Variants in CDCP1 observed in about 807,000 individuals in gnomAD.
CDCP1 encodes CUB domain-containing protein 1.
In CDCP1, 29 loss-of-function variants were observed where a neutral mutation model predicts 60.2. The observed-to-expected ratio is 0.48, with a 90% CI of 0.36 to 0.66. The LOEUF is 0.66. Among genes scored for constraint, CDCP1 ranks in the 30% least tolerant of loss-of-function variants. CDCP1 has a pLI of 0.00. For missense variants in CDCP1, 876 were observed against 1,074.3 expected (o/e 0.82, Z 2.58); for synonymous variants, 387 against 431.1 (o/e 0.90, Z 1.27).
chr3:45,128,627 G>A (rs1045096274), intron 1 of CDCP1, among the ~76,000 whole-genome samples: 5 of 152,230 alleles, frequency 3.3e-5, no homozygotes, highest in African/African-American at 1.2e-4. Flanking sequence ...ATCAACACGG[G>A]ACTGTTTTAT....
At chr3:45,124,527 T>C (rs1698941246) in intron 1 of CDCP1, among the ~76,000 whole-genome samples, 1 of 152,108 alleles carries the variant, frequency 6.6e-6, no homozygotes, top group African/African-American at 2.4e-5. Context: ...GGAGGCAGAC[T>C]CAGAAACCAA....
Position 45,085,994 on chromosome 3 carries a change from G to A in CDCP1, c.2155C>T (p.Pro719Ser), listed in dbSNP as rs1195977802. ...TTTCGCCCTTTCTGAAACTTTTTTGGCTGCCTCGGCATCTCAGTATTGATG... is the reference window on the plus strand; with the variant it reads ...TTTCGCCCTTTCTGAAACTTTTTTGACTGCCTCGGCATCTCAGTATTGATG... ...DNINTEMPRQPKKFQKGRKDN... is the reference protein window; with the variant it reads ...DNINTEMPRQSKKFQKGRKDN... The change falls in exon 9 of 9, where the codon CCA (proline) becomes TCA (serine). Residue 719 changes from proline to serine, a missense_variant. Physicochemically the swap from Pro to Ser is moderately conservative, Grantham distance 74. Transcript: ENST00000296129. This position sits in a 1 kb window ranked among gnomAD's most constrained non-coding sequence, Gnocchi z 4.2. 2 of 1,613,990 alleles carry A rather than the reference G, an allele frequency of 1.2e-6. No homozygotes were observed. Among genetic ancestry groups the A allele is most frequent in the East Asian group, 4.5e-5 (2 of 44,892 alleles).
At chr3:45,111,537 G>A (rs1305673045) in intron 3 of CDCP1, among the ~76,000 whole-genome samples, 2 of 152,140 alleles carry the variant, frequency 1.3e-5, no homozygotes, top group Admixed American at 1.3e-4. Context: ...TTAGCTGGGT[G>A]TGGTGGCGCA....
At chr3:45,092,642 T>A (rs967708596) in intron 6 of CDCP1, among the ~76,000 whole-genome samples, 1 of 152,222 alleles carries the variant, frequency 6.6e-6, no homozygotes, top group Non-Finnish European at 1.5e-5. Context: ...TTGGTCAATT[T>A]TAAAATGGCC....
At chr3:45,125,106 T>A (rs894535212) in intron 1 of CDCP1, among the ~76,000 whole-genome samples, 1 of 152,086 alleles carries the variant, frequency 6.6e-6, no homozygotes, top group African/African-American at 2.4e-5. Context: ...TGGATATGAG[T>A]GTGCCAACCA....
chr3:45,112,445 T>C lies in CDCP1; in HGVS notation c.293A>G (p.Asp98Gly). The C allele has an allele frequency of 6.2e-7, 1 of 1,609,944 alleles. No individual in the cohort carries two copies. Among genetic ancestry groups the C allele is most frequent in the African/African-American group, 1.3e-5 (1 of 74,890 alleles). ...HFVIEIQKNI[D>G]CMSGPCPFGE... ...AAAAGGACATGGGCCTGACATACAG[T>C]CTGAAAAACAGTCACAGAAGCAATT... Residue 98 changes from aspartate (D) to glycine (G), a missense_variant and splice_region_variant, in exon 3 of 9, where the codon GAC becomes GGC. Asp to Gly is a moderately conservative substitution (Grantham distance 94). Transcript: ENST00000296129.
chr3:45,105,376 A>G (rs981724288), intron 4 of CDCP1, among the ~76,000 whole-genome samples: 4 of 152,212 alleles, frequency 2.6e-5, no homozygotes, highest in Admixed American at 2.6e-4. Flanking sequence ...AAATCCAATA[A>G]TTATTTAAGG....
chr3:45,135,398 T>C (rs945571799), intron 1 of CDCP1, among the ~76,000 whole-genome samples: 2 of 152,098 alleles, frequency 1.3e-5, no homozygotes, highest in Non-Finnish European at 2.9e-5. Flanking sequence ...AAGTTGGCCC[T>C]ACTGCTAACA....
intron 1 of CDCP1, among the ~76,000 whole-genome samples, chr3:45,127,243 T>G (rs771295708): frequency 3.9e-5 from 6 of 152,200 alleles, no homozygotes; most frequent in Non-Finnish European, 7.3e-5. Context: ...TCCACAGAAT[T>G]TGAAATGTTT....
chr3:45,086,076 A>C lies in CDCP1; in HGVS notation c.2082-9T>G. The C allele has an allele frequency of 6.2e-7, 1 of 1,610,786 alleles. No individual in the cohort carries two copies. Among genetic ancestry groups the C allele is most frequent in the South Asian group, 1.1e-5 (1 of 90,960 alleles). On this transcript the variant is annotated splice_polypyrimidine_tract_variant and intron_variant, in intron 8 of 8. Transcript: ENST00000296129. The stretch of plus-strand genomic sequence containing the variant: ...TGTTTGTCTTCTTTTTCCTATTTGG[A>C]AAAATGGAACAAGACAGAAGTCAGA...
chr3:45,129,125 T>A (rs1335099155), intron 1 of CDCP1, among the ~76,000 whole-genome samples: 1 of 152,260 alleles, frequency 6.6e-6, no homozygotes, highest in Admixed American at 6.5e-5. Flanking sequence ...GGTGACAGGT[T>A]TGCACAGAAC....
At chr3:45,136,561 C>G (rs572281836) in intron 1 of CDCP1, among the ~76,000 whole-genome samples, 25 of 152,222 alleles carry the variant, frequency 1.6e-4, no homozygotes, top group African/African-American at 5.8e-4. Flanking sequence ...AGGGAAAAAA[C>G]AAAACAAAAC....
At chr3:45,129,379 A>G (rs939438462) in intron 1 of CDCP1, among the ~76,000 whole-genome samples, 2 of 152,252 alleles carry the variant, frequency 1.3e-5, no homozygotes, top group Non-Finnish European at 2.9e-5. Flanking sequence ...CAAGAGGACC[A>G]CAGAGGTAAG....
In CDCP1 at chr3:45,118,483, T is replaced by C. The variant is rs1438995922; in HGVS notation, c.221A>G (p.Glu74Gly). ...HITMLSIKSG[E>G]RIVFTFSCQS... ...GCAGCTAAAGGTAAAGACTATTCTT[T>C]CTCCAGACTTGATGGACAACATGGT... Residue 74 changes from glutamate to glycine, a missense_variant, in exon 2 of 9, where the codon GAA (glutamate) becomes GGA (glycine). Around this residue, in one of 2 missense-constraint regions of CDCP1, gnomAD observed 150 missense variants for 138.6 expected, o/e 1.08. Transcript: ENST00000296129. The C allele has an allele frequency of 1.2e-6, 2 of 1,614,208 alleles. No individual in the cohort carries two copies. Among genetic ancestry groups the C allele is most frequent in the Admixed American group, 1.7e-5 (1 of 60,022 alleles).
At chr3:45,121,612 C>CTATGATCATTATTTTAA (rs542759795) in intron 1 of CDCP1, among the ~76,000 whole-genome samples, 239 of 152,242 alleles carry the variant, frequency 1.6e-3, no homozygotes, top group South Asian at 3.9e-3. Flanking sequence ...ATTCCTGCCC[C>CTATGATCATTATTTTAA]TATGATCATT....
At chr3:45,109,187 G>A (rs1314955984) in intron 4 of CDCP1, among the ~76,000 whole-genome samples, 1 of 151,686 alleles carries the variant, frequency 6.6e-6, no homozygotes, top group Non-Finnish European at 1.5e-5. Flanking sequence ...GACCTCAAGT[G>A]ATTTGCCTGC....
At chr3:45,093,966 A>G (rs916147832) in intron 5 of CDCP1, among the ~76,000 whole-genome samples, 2 of 152,036 alleles carry the variant, frequency 1.3e-5, no homozygotes, top group Non-Finnish European at 2.9e-5. Context: ...TTAGATGCTA[A>G]GTGTCATGGG....
intron 2 of CDCP1, among the ~76,000 whole-genome samples, chr3:45,116,730 C>G (rs1417420685): frequency 6.6e-6 from 1 of 152,168 alleles, no homozygotes; most frequent in African/African-American, 2.4e-5. Context: ...AAAATCATCT[C>G]TAACTAACCC....
intron 4 of CDCP1, among the ~76,000 whole-genome samples, chr3:45,098,799 C>T (rs902687268): frequency 2.6e-5 from 4 of 152,068 alleles, no homozygotes; most frequent in African/African-American, 9.7e-5. Context: ...ATGATTTTTC[C>T]TTTCTGCATA....
Sources: gnomAD v4.1 joint callset for allele counts (sites outside exome capture counted in the v4.1 genomes callset) on GRCh38, gnomAD v4.1.1 for gene constraint, gnomAD v4.1.1 regional missense constraint, Gnocchi (gnomAD v3.1) non-coding constraint, MANE v1.5 for transcripts, NCBI Gene and HGNC (gene_info 2026-07-23, HGNC 2026-07-21) for gene names.